DDHD1: variants seen among roughly 807,000 people sequenced by gnomAD.
The protein encoded by DDHD1 is phospholipase DDHD1.
DDHD1 carries 49 observed loss-of-function variants against 96.4 expected under a neutral mutation model. The ratio of observed to expected loss-of-function variants is 0.51; its 90% CI spans 0.40 to 0.64. DDHD1 has a LOEUF of 0.64. Ranked by LOEUF, DDHD1 falls within the 30% of genes least tolerant of loss-of-function variation. The pLI is 0.00. For synonymous variants in DDHD1, 442 were observed against 446.5 expected (o/e 0.99, Z 0.13); for missense variants, 1,106 against 1,161.2 (o/e 0.95, Z 0.69).
intron 1 of DDHD1, among the ~76,000 whole-genome samples, chr14:53,133,624 G>T (rs1427415295): frequency 6.6e-6 from 1 of 152,050 alleles, no homozygotes; most frequent in Non-Finnish European, 1.5e-5. Flanking sequence ...CTCAGAATTC[G>T]GGCCTGTCCT....
At chr14:53,058,695 A>T in intron 8 of DDHD1, 69 bp from the exon 9 acceptor site, 2 of 1,417,326 alleles carry the variant, frequency 1.4e-6, no homozygotes, top group Non-Finnish European at 1.9e-6. Context: ...ATTTGGGCAT[A>T]ACGTAATATA....
chr14:53,080,296 G>C (rs541591394), intron 4 of DDHD1, among the ~76,000 whole-genome samples: 2 of 152,136 alleles, frequency 1.3e-5, no homozygotes, highest in Non-Finnish European at 2.9e-5. Context: ...AGGAGGTGGA[G>C]GCTGCAGTGA....
At chr14:53,133,290 T>C (rs7141828) in intron 1 of DDHD1, among the ~76,000 whole-genome samples, 2,395 of 152,304 alleles carry the variant, frequency 0.016, 60 homozygotes, top group African/African-American at 0.054. Flanking sequence ...CCTCTTGGTC[T>C]GGGTAAACAC....
At chr14:53,095,411 A>G (rs1886807921) in intron 2 of DDHD1, among the ~76,000 whole-genome samples, 1 of 152,202 alleles carries the variant, frequency 6.6e-6, no homozygotes, top group Non-Finnish European at 1.5e-5. Flanking sequence ...AGCTCTGGTC[A>G]AGATGTATGA....
chr14:53,055,058 A>G (rs1882924595), intron 10 of DDHD1, among the ~76,000 whole-genome samples: 1 of 152,242 alleles, frequency 6.6e-6, no homozygotes, highest in Non-Finnish European at 1.5e-5. Flanking sequence ...AAAACAGCCA[A>G]TGAGTCCAGG....
chr14:53,047,034 T>A (rs7148872), intron 12 of DDHD1, 85 bp from the exon 13 acceptor site: 20 of 1,095,808 alleles, frequency 1.8e-5, no homozygotes, highest in African/African-American at 1.1e-4. Flanking sequence ...AGAGTAAAAA[T>A]TTAGCTAAAT....
rs1320230948 is a variant in DDHD1 at position 53,042,553 on chromosome 14, T to C, written c.*4215A>G. 6.6e-5 allele frequency: 10 copies of C among 152,210 alleles called. No individual in the cohort carries two copies. Among genetic ancestry groups the C allele is most frequent in the Non-Finnish European group, 1.5e-5 (1 of 68,036 alleles). The allele number at this position is 152,210 out of a possible 1,614,324, so 9.4% of individuals were successfully genotyped here. A position where few individuals can be genotyped will look rare whatever the true frequency, so the allele number is the denominator to read the frequency against. On this transcript the variant is annotated 3_prime_UTR_variant, in exon 13 of 13. Coordinates refer to ENST00000673822, the MANE Select transcript of DDHD1 (RefSeq NM_001160148.2). ...TGTACAGACCCGGAAATTTTACAGT[T>C]CTTTGAAAACTATCACAAGCATCTA...
Position 53,041,387 on chromosome 14 carries a change from C to CATACACACACACACCAAAAA in DDHD1, c.*5361_*5380dup, listed in dbSNP as rs1340237209. The CATACACACACACACCAAAAA allele has an allele frequency of 6.6e-6, 1 of 152,108 alleles. No individual in the cohort carries two copies. The highest frequency in any genetic ancestry group is 6.5e-5 in the Admixed American group (1 of 15,276). 9.4% of individuals were successfully genotyped at this position (152,108 alleles called of 1,614,324 possible). On this transcript the variant is annotated 3_prime_UTR_variant, in exon 13 of 13. Transcript: ENST00000673822. ...GGACTATTTTTGGGGAATGCACATA[C>CATACACACACACACCAAAAA]ATACACACACACACCAAAAAACAAA...
At chr14:53,100,236 G>A (rs1410972819) in intron 2 of DDHD1, among the ~76,000 whole-genome samples, 1 of 152,018 alleles carries the variant, frequency 6.6e-6, no homozygotes, top group Non-Finnish European at 1.5e-5. Flanking sequence ...GCACTTTGTG[G>A]GGGCTGAAGC....
rs1250468883 is a variant in DDHD1, at chr14:53,039,618, C to T, written c.*7150G>A. 6.6e-6 allele frequency: 1 copy of T among 152,254 alleles called. No homozygotes were observed. The highest frequency in any genetic ancestry group is 1.5e-5 in the Non-Finnish European group (1 of 68,076). 9.4% of individuals were successfully genotyped at this position (152,254 alleles called of 1,614,324 possible). On this transcript the variant is annotated 3_prime_UTR_variant, in exon 13 of 13. Transcript: ENST00000673822. ...AAACAGGATGCTGGGCAGACAAAAA[C>T]AGGTAGCCAGTACAATAACTAAAAT...
chr14:53,111,006 A>G (rs2139754569), intron 1 of DDHD1, among the ~76,000 whole-genome samples: 1 of 152,312 alleles, frequency 6.6e-6, no homozygotes, highest in Admixed American at 6.5e-5. Context: ...TAACTAAGTC[A>G]TTATCCTAAT....
At chr14:53,072,953 C>T (rs1884647487) in intron 5 of DDHD1, among the ~76,000 whole-genome samples, 1 of 151,732 alleles carries the variant, frequency 6.6e-6, no homozygotes, top group South Asian at 2.1e-4. Flanking sequence ...ATCTATAAAG[C>T]GTCACCCTTT....
At chr14:53,105,702 T>C (rs533060100) in intron 1 of DDHD1, among the ~76,000 whole-genome samples, 15 of 152,298 alleles carry the variant, frequency 9.8e-5, no homozygotes, top group East Asian at 3.9e-4. Context: ...GTGTAAGGCA[T>C]AGAATTGGGT....
chr14:53,083,741 A>G (rs112553349), intron 4 of DDHD1, among the ~76,000 whole-genome samples: 320 of 152,336 alleles, frequency 2.1e-3, no homozygotes, highest in African/African-American at 7.5e-3. Context: ...GACAGCAAGC[A>G]GGGAAATGGT....
chr14:53,077,297 G>A (rs1205223630), intron 4 of DDHD1, among the ~76,000 whole-genome samples: 1 of 152,094 alleles, frequency 6.6e-6, no homozygotes, highest in African/African-American at 2.4e-5. Flanking sequence ...TTATCATGGT[G>A]GCAAAAGGGC....
chr14:53,142,858 G>T (rs1359410857), intron 1 of DDHD1, among the ~76,000 whole-genome samples: 1 of 152,194 alleles, frequency 6.6e-6, no homozygotes, highest in Non-Finnish European at 1.5e-5. Flanking sequence ...CTAGGGCTGT[G>T]CCCATTTGAG....
intron 1 of DDHD1, among the ~76,000 whole-genome samples, chr14:53,124,550 G>C (rs1489865555): frequency 6.6e-6 from 1 of 152,128 alleles, no homozygotes; most frequent in African/African-American, 2.4e-5. Flanking sequence ...GAAAATAACA[G>C]TCATGCTAAG....
chr14:53,115,388 T>C (rs918627870), intron 1 of DDHD1, among the ~76,000 whole-genome samples: 6 of 152,048 alleles, frequency 3.9e-5, no homozygotes, highest in African/African-American at 1.5e-4. Flanking sequence ...ACCACTAAGA[T>C]ACTGCTCAAG....
intron 1 of DDHD1, among the ~76,000 whole-genome samples, chr14:53,112,415 C>CAA (rs143344796): frequency 1.1e-4 from 12 of 107,510 alleles, no homozygotes; most frequent in African/African-American, 3.8e-4. Context: ...GACTCCATCT[C>CAA]AAAAAAAAAA....
Sources: allele counts gnomAD v4.1 joint callset (sites outside exome capture counted in the v4.1 genomes callset), GRCh38; gene constraint gnomAD v4.1.1; transcripts MANE v1.5; gene names NCBI Gene and HGNC (gene_info 2026-07-23, HGNC 2026-07-21).